TTC39C: variants seen among roughly 807,000 people sequenced by gnomAD.
TTC39C encodes the protein tetratricopeptide repeat protein 39C.
In TTC39C, 33 loss-of-function variants were observed where a neutral mutation model predicts 76.3. The observed-to-expected ratio is 0.43, with a 90% CI of 0.33 to 0.58. The LOEUF (loss-of-function observed/expected upper bound fraction) is 0.58, where lower values mean the gene tolerates loss of function less well. Ranked by LOEUF, TTC39C falls within the 20% of genes least tolerant of loss-of-function variation. The pLI is 0.04. For missense variants in TTC39C, 595 were observed against 701.4 expected (o/e 0.85, Z 1.71); for synonymous variants, 254 against 260.6 (o/e 0.97, Z 0.24).
rs541403810 is a variant in TTC39C at position 24,063,170 on chromosome 18, G to A, written c.168-970G>A. 2.6e-5 allele frequency among the ~76,000 whole-genome samples: 4 copies of A among 152,120 alleles called. No homozygotes were observed. In the South Asian group the frequency reaches 8.3e-4, roughly 32 times the overall value. The stretch of plus-strand genomic sequence containing the variant: ...GAAATCTGGATTTTGTACTATTTTG[G>A]ATTTTGAAGCAGAACATTTATATTC... On this transcript the variant is annotated intron_variant, in intron 1 of 13. Transcript: ENST00000317571.
At chr18:24,006,995 C>T (rs1369867181) in intron 1 of TTC39C, among the ~76,000 whole-genome samples, 1 of 152,188 alleles carries the variant, frequency 6.6e-6, no homozygotes, top group African/African-American at 2.4e-5. Flanking sequence ...GTATCAGGCT[C>T]ATGAGCTCTA....
chr18:24,122,558 A>G (rs1304926135), intron 8 of TTC39C, among the ~76,000 whole-genome samples: 1 of 150,722 alleles, frequency 6.6e-6, no homozygotes, highest in African/African-American at 2.4e-5. Flanking sequence ...GTGCATTCCA[A>G]CTGGGGAGTG....
chr18:24,073,835 G>T (rs1311723371), intron 4 of TTC39C, among the ~76,000 whole-genome samples: 3 of 152,146 alleles, frequency 2.0e-5, no homozygotes, highest in African/African-American at 7.2e-5. Flanking sequence ...GGCCTTTGTT[G>T]TGCTATTACT....
intron 1 of TTC39C, among the ~76,000 whole-genome samples, chr18:23,998,011 T>C (rs1463743913): frequency 6.6e-6 from 1 of 152,230 alleles, no homozygotes; most frequent in African/African-American, 2.4e-5. Flanking sequence ...TTTTGTATAC[T>C]GCCAAGCTGT....
chr18:24,019,741 A>C, intron 1 of TTC39C: 1 of 775,656 alleles, frequency 1.3e-6, no homozygotes, highest in Non-Finnish European at 2.0e-6. Flanking sequence ...AGACACAGCC[A>C]TGCTCATTTG....
intron 6 of TTC39C, among the ~76,000 whole-genome samples, chr18:24,110,827 G>C (rs1275179664): frequency 6.6e-6 from 1 of 152,208 alleles, no homozygotes; most frequent in Non-Finnish European, 1.5e-5. Flanking sequence ...AGCAGATAAA[G>C]CTAGCCAATA....
intron 1 of TTC39C, among the ~76,000 whole-genome samples, chr18:24,055,181 G>A (rs1034146541): frequency 3.9e-5 from 6 of 152,132 alleles, no homozygotes; most frequent in Non-Finnish European, 7.3e-5. Flanking sequence ...TTTAGCTGTT[G>A]TGAATAATGC....
chr18:24,024,000 A>ACG (rs2083562521), intron 1 of TTC39C, among the ~76,000 whole-genome samples: 7 of 3,918 alleles, frequency 1.8e-3, no homozygotes, highest in African/African-American at 4.7e-3. Context: ...ATATATATAT[A>ACG]TATATATATA....
chr18:24,134,716 C>G lies in TTC39C; in HGVS notation c.*2142C>G, dbSNP rs1233818288. 1 of 152,154 alleles carries G rather than the reference C, an allele frequency of 6.6e-6. No individual in the cohort carries two copies. The highest frequency in any genetic ancestry group is 1.5e-5 in the Non-Finnish European group (1 of 68,028). 9.4% of individuals were successfully genotyped at this position (152,154 alleles called of 1,614,324 possible). Reference sequence around the variant, plus strand: ...CATCATGGAGCATTCTGAATCATGACATTTTTGTTTGAGAGTTCATTCTTG... The same window carrying G: ...CATCATGGAGCATTCTGAATCATGAGATTTTTGTTTGAGAGTTCATTCTTG... On this transcript the variant is annotated 3_prime_UTR_variant, in exon 14 of 14. Coordinates refer to ENST00000317571, the MANE Select transcript of TTC39C (RefSeq NM_001135993.2).
chr18:24,107,758 T>A (rs1301641523), intron 6 of TTC39C, among the ~76,000 whole-genome samples: 1 of 152,216 alleles, frequency 6.6e-6, no homozygotes, highest in Non-Finnish European at 1.5e-5. Context: ...ACTAATACAC[T>A]AACAAACTTT....
intron 6 of TTC39C, among the ~76,000 whole-genome samples, chr18:24,098,399 TCC>T (rs2084619367): frequency 1.8e-5 from 1 of 54,406 alleles, no homozygotes; most frequent in Non-Finnish European, 3.7e-5. Context: ...CCTCCCTCCC[TCC>T]CTCCCTCCCT....
chr18:24,064,469 A>G (rs998437219), intron 2 of TTC39C, among the ~76,000 whole-genome samples: 1 of 152,196 alleles, frequency 6.6e-6, no homozygotes, highest in African/African-American at 2.4e-5. Context: ...TTAAAACTGC[A>G]TTCGAGGTAG....
At chr18:24,104,687 T>TG (rs2084722793) in intron 6 of TTC39C, among the ~76,000 whole-genome samples, 18 of 121,408 alleles carry the variant, frequency 1.5e-4, no homozygotes, top group Admixed American at 4.5e-4. Context: ...GAGCAGGGTG[T>TG]TTGTGTGTGT....
chr18:24,089,303 C>A (rs2084487944), intron 6 of TTC39C, among the ~76,000 whole-genome samples: 1 of 152,148 alleles, frequency 6.6e-6, no homozygotes, highest in Non-Finnish European at 1.5e-5. Context: ...GCCTTGTCAG[C>A]ATGATGTAAT....
chr18:24,078,738 G>GGCACCCCTACCCT (rs56949300), intron 4 of TTC39C, among the ~76,000 whole-genome samples: 1 of 152,156 alleles, frequency 6.6e-6, no homozygotes, highest in Non-Finnish European at 1.5e-5. Context: ...CGATCATGTA[G>GGCACCCCTACCCT]GCACATAGAC....
At chr18:24,079,284 C>T (rs2084346627) in intron 4 of TTC39C, among the ~76,000 whole-genome samples, 1 of 152,142 alleles carries the variant, frequency 6.6e-6, no homozygotes, top group Non-Finnish European at 1.5e-5. Flanking sequence ...TGTAAGTTGA[C>T]CTCCCCTAGC....
chr18:24,113,279 G>A (rs1053851467), intron 6 of TTC39C: 5 of 387,374 alleles, frequency 1.3e-5, no homozygotes, highest in East Asian at 4.7e-5. Context: ...CAGTGTTCCC[G>A]AGTCACAGGC....
intron 6 of TTC39C, among the ~76,000 whole-genome samples, chr18:24,107,728 T>C (rs1599332440): frequency 6.6e-6 from 1 of 152,370 alleles, no homozygotes; most frequent in Non-Finnish European, 1.5e-5. Flanking sequence ...GATATTTATT[T>C]ATAAGCAGTA....
Position 24,132,787 on chromosome 18 carries a change from A to G in TTC39C, c.*213A>G. On this transcript the variant is annotated 3_prime_UTR_variant, in exon 14 of 14. Coordinates refer to ENST00000317571, the MANE Select transcript of TTC39C (RefSeq NM_001135993.2). ...GATGTTGAGGAGGATGATGATGGTA[A>G]TAATAACTAACCACCTGGGGAGAGG... 2.3e-6 allele frequency: 1 copy of G among 442,544 alleles called. No individual in the cohort carries two copies. The highest frequency in any genetic ancestry group is 4.7e-5 in the South Asian group (1 of 21,302). The allele number at this position is 442,544 out of a possible 1,614,324, so 27.4% of individuals were successfully genotyped here.
Sources: gnomAD v4.1 joint callset for allele counts (sites outside exome capture counted in the v4.1 genomes callset) on GRCh38, gnomAD v4.1.1 for gene constraint, MANE v1.5 for transcripts, NCBI Gene and HGNC (gene_info 2026-07-23, HGNC 2026-07-21) for gene names.